The following HMCN2 variants were observed in gnomAD, a reference collection of about 807,000 sequenced individuals.
HMCN2 encodes hemicentin-2.
HMCN2 carries 325 observed loss-of-function variants against 377.5 expected under a neutral mutation model. The ratio of observed to expected loss-of-function variants is 0.86; its 90% CI spans 0.79 to 0.94. The LOEUF (loss-of-function observed/expected upper bound fraction) is 0.94, where lower values mean the gene tolerates loss of function less well. Ranked by LOEUF, HMCN2 falls within the 40% of genes least tolerant of loss-of-function variation. The pLI is 0.00. For synonymous variants in HMCN2, 2,007 were observed against 2,046.8 expected, an observed-to-expected ratio of 0.98 and a Z score of 0.53; for missense variants, 4,543 against 4,725.3, an observed-to-expected ratio of 0.96 and a Z score of 1.13.
Position 130,427,298 on chromosome 9 carries a change from C to T in HMCN2, c.13880-15C>T. On this transcript the variant is annotated splice_polypyrimidine_tract_variant and intron_variant, in intron 90 of 97. Transcript: ENST00000683500. ...CACCCTCATGTCCTTAGAGTCTATC[C>T]TCTTTGCTTTGCAGAGGAGAACGAG... The T allele has an allele frequency of 3.9e-6, 6 of 1,550,498 alleles. No individual in the cohort carries two copies. The highest frequency in any genetic ancestry group is 5.2e-6 in the Non-Finnish European group (6 of 1,146,974).
At position 130,365,948 on chromosome 9, in the gene HMCN2, G is replaced by A; in HGVS notation, c.6578G>A (p.Cys2193Tyr). Residue 2193 changes from cysteine to tyrosine, a missense_variant, in exon 43 of 98, where the codon TGC (cysteine) becomes TAC (tyrosine). This residue lies in a region of HMCN2 where 1,032 missense variants were observed against 1,285.1 expected (regional missense o/e 0.80). Transcript: ENST00000683500. Reference protein sequence around the residue: ...VREGHPTRLSCECRGVPFPKI... With the variant: ...VREGHPTRLSYECRGVPFPKI... ...GAGGGGCACCCTACCAGGCTGTCCTGCGAATGCCGGGGTGTCCCCTTCCCC... is the reference window on the plus strand; with the variant it reads ...GAGGGGCACCCTACCAGGCTGTCCTACGAATGCCGGGGTGTCCCCTTCCCC... 3 of 985,870 alleles carry A rather than the reference G, an allele frequency of 3.0e-6. No homozygotes were observed. The highest frequency in any genetic ancestry group is 3.6e-6 in the Non-Finnish European group (3 of 829,922). 61.1% of individuals were successfully genotyped at this position (985,870 alleles called of 1,614,324 possible). A position where few individuals can be genotyped will look rare whatever the true frequency, so the allele number is the denominator to read the frequency against.
chr9:130,363,103 A>C, intron 40 of HMCN2, 113 bp downstream of exon 40: 2 of 863,018 alleles, frequency 2.3e-6, no homozygotes, highest in Non-Finnish European at 2.8e-6. Flanking sequence ...AGGAGTGTCC[A>C]CCTGAGAACA....
chr9:130,368,205 CT>C, intron 43 of HMCN2, 70 bp from the exon 44 acceptor site: 1 of 941,524 alleles, frequency 1.1e-6, no homozygotes, highest in Non-Finnish European at 1.3e-6. Flanking sequence ...GGAGGACAAA[CT>C]TTCCATGTGG....
chr9:130,425,259 C>A (rs555168054), intron 89 of HMCN2, 129 bp downstream of exon 89: 1 of 1,106,882 alleles, frequency 9.0e-7, no homozygotes, highest in African/African-American at 1.6e-5. Flanking sequence ...GGGTCACAGT[C>A]TAGCCTTGGA....
In HMCN2 at chr9:130,433,641, G is replaced by C. The variant is rs1844910615; in HGVS notation, c.15188G>C (p.Arg5063Pro). ...CTCACCGTGCGTGCTGCGGCACCGC[G>C]CCACCAAAGCGTCTTCGTCTTGCTC... is the stretch of plus-strand genomic sequence containing the variant. Reference protein sequence around the residue: ...YRLTVRAAAPRHQSVFVLLIA... With the variant: ...YRLTVRAAAPPHQSVFVLLIA... Residue 5063 changes from arginine to proline, a missense_variant, in exon 98 of 98, where the codon CGC (arginine) becomes CCC (proline). By Grantham distance (103) the Arg-to-Pro change is moderately radical. Transcript: ENST00000683500. 7.2e-6 allele frequency: 11 copies of C among 1,518,034 alleles called. No individual in the cohort carries two copies. Among genetic ancestry groups the C allele is most frequent in the Non-Finnish European group, 8.8e-6 (10 of 1,134,216 alleles). 94.0% of individuals were successfully genotyped at this position (1,518,034 alleles called of 1,614,324 possible). A position where few individuals can be genotyped will look rare whatever the true frequency, so the allele number is the denominator to read the frequency against.
intron 31 of HMCN2, among the ~76,000 whole-genome samples, chr9:130,354,162 G>A (rs983580256): frequency 9.2e-5 from 14 of 152,192 alleles, no homozygotes; most frequent in African/African-American, 3.4e-4. Flanking sequence ...CCCAGGCCAC[G>A]GTTGCCCCTT....
chr9:130,379,170 G>A (rs1841562614), intron 53 of HMCN2, 79 bp from the exon 54 acceptor site: 1 of 401,110 alleles, frequency 2.5e-6, no homozygotes, highest in Admixed American at 6.4e-5. Context: ...GGAGAGGCTG[G>A]GACGAGAATC....
chr9:130,304,062 G>A lies in HMCN2; in HGVS notation c.1543+454G>A, dbSNP rs907051560. Among the ~76,000 whole-genome samples the A allele has an allele frequency of 2.0e-5, 3 of 152,338 alleles. No individual in the cohort carries two copies. Among genetic ancestry groups the A allele is most frequent in the Non-Finnish European group, 2.9e-5 (2 of 68,032 alleles). ...GCTTTGTAGAGAAAAAAAGGAACCC[G>A]TAAGCGTGGAAAGATCAGCCACTCT... On this transcript the variant is annotated intron_variant, in intron 10 of 97. Coordinates refer to ENST00000683500, the MANE Select transcript of HMCN2 (RefSeq NM_001291815.2). The surrounding 1 kb of genome is among the most constrained non-coding windows in gnomAD (Gnocchi z 4.3).
At position 130,390,896 on chromosome 9, in the gene HMCN2, G is replaced by A. The variant is rs1199874668; in HGVS notation, c.9524-81G>A. 5.4e-6 allele frequency: 5 copies of A among 927,124 alleles called. No homozygotes were observed. In the African/African-American group the frequency reaches 7.1e-5, roughly 13 times the overall value. 57.4% of individuals were successfully genotyped at this position (927,124 alleles called of 1,614,324 possible). On this transcript the variant is annotated intron_variant, in intron 62 of 97. Transcript: ENST00000683500. ...GGGGAAGGTGGGGACATATAAGAAG[G>A]CGCCTCTGCCTCTGTGGGGCTCAGT...
rs1423030215 is a variant in HMCN2, at chr9:130,384,376, C to T, written c.8834C>T (p.Pro2945Leu). 7 of 1,296,850 alleles carry T rather than the reference C, an allele frequency of 5.4e-6. No individual in the cohort carries two copies. The highest frequency in any genetic ancestry group is 6.1e-6 in the Non-Finnish European group (6 of 984,720). 80.3% of individuals were successfully genotyped at this position (1,296,850 alleles called of 1,614,324 possible). A position where few individuals can be genotyped will look rare whatever the true frequency, so the allele number is the denominator to read the frequency against. Residue 2945 changes from proline (P) to leucine (L), a missense_variant, in exon 58 of 98, where the codon CCG becomes CTG. Transcript: ENST00000683500. ...ACCGTGGTGGCTGTGGGGATAGTCC[C>T]GCCACGAATCGCAGGCCTGGACTTG... ...EKLFTLRVQVPPRIAGLDLEQ... is the reference protein window; with the variant it reads ...EKLFTLRVQVLPRIAGLDLEQ...
chr9:130,326,218 T>C (rs1325951408), intron 21 of HMCN2, among the ~76,000 whole-genome samples: 2 of 152,096 alleles, frequency 1.3e-5, no homozygotes, highest in African/African-American at 2.4e-5. Flanking sequence ...GCACATGTAG[T>C]TCCTTCTGCT....
intron 84 of HMCN2, among the ~76,000 whole-genome samples, chr9:130,409,613 A>G (rs1843306348): frequency 6.6e-6 from 1 of 152,220 alleles, no homozygotes; most frequent in Non-Finnish European, 1.5e-5. Flanking sequence ...CTGTTACCCA[A>G]GTACTAACTG....
chr9:130,425,611 TCC>T, intron 89 of HMCN2, 74 bp from the exon 90 acceptor site: 1 of 1,039,188 alleles, frequency 9.6e-7, no homozygotes, highest in Non-Finnish European at 1.4e-6. Context: ...AGCATTTTCC[TCC>T]TCCCCTTCCA....
In HMCN2 at chr9:130,427,321, G is replaced by C; in HGVS notation, c.13888G>C (p.Glu4630Gln). ...TCCTCTTTGCTTTGCAGAGGAGAAC[G>C]AGGTCGGCTGCCCCGAGGGCTTTGA... is the stretch of plus-strand genomic sequence containing the variant. ...LATALQAEEN[E>Q]VGCPEGFELD... is the part of the protein sequence containing the mutation. The change falls in exon 91 of 98, where the codon GAG (glutamate) becomes CAG (glutamine). Residue 4630 changes from glutamate (E) to glutamine (Q), a missense_variant. This residue lies in a region of HMCN2 where 1,155 missense variants were observed against 1,157.7 expected (regional missense o/e 1.00). Coordinates refer to ENST00000683500, the MANE Select transcript of HMCN2 (RefSeq NM_001291815.2). 1 of 1,550,552 alleles carries C rather than the reference G, an allele frequency of 6.4e-7. No homozygotes were observed. Among genetic ancestry groups the C allele is most frequent in the Non-Finnish European group, 8.7e-7 (1 of 1,146,992 alleles).
At position 130,431,444 on chromosome 9, in the gene HMCN2, CCCG is replaced by C. The variant is rs1367580854; in HGVS notation, c.14729_14731del (p.Ala4910del). 6.5e-7 allele frequency: 1 copy of C among 1,550,054 alleles called. No individual in the cohort carries two copies. Among genetic ancestry groups the C allele is most frequent in the Non-Finnish European group, 8.7e-7 (1 of 1,146,854 alleles). ...TGAGGGCAGCTACCAGTGCCTGTGC[CCCG>C]CCGGCTACCGTCTGCTCCCCAGCGG... On this transcript the variant is annotated inframe_deletion, in exon 96 of 98. Transcript: ENST00000683500.
At chr9:130,407,373 A>G (rs778367913) in intron 82 of HMCN2, 198 bp from the exon 83 acceptor site, 1 of 351,274 alleles carries the variant, frequency 2.8e-6, no homozygotes, top group Non-Finnish European at 5.3e-6. Flanking sequence ...GTGCACTGGA[A>G]GATGGTAGAA....
In HMCN2 at chr9:130,422,654, A is replaced by T; in HGVS notation, c.13309A>T (p.Ser4437Cys). ...ATTTGGCGTGGCCACACTCAACACCAGCGTGATGCAGGAGGCACACTCCGG... is the reference window on the plus strand; with the variant it reads ...ATTTGGCGTGGCCACACTCAACACCTGCGTGATGCAGGAGGCACACTCCGG... ...RKFGVATLNT[S>C]VMQEAHSGVS... The change falls in exon 87 of 98, where the codon AGC (serine) becomes TGC (cysteine). Residue 4437 changes from serine (S) to cysteine (C), a missense_variant. By Grantham distance (112) the Ser-to-Cys change is moderately radical (BLOSUM62 -1). Around this residue, in one of 5 missense-constraint regions of HMCN2, gnomAD observed 1,155 missense variants for 1,157.7 expected, o/e 1.00. Coordinates refer to ENST00000683500, the MANE Select transcript of HMCN2 (RefSeq NM_001291815.2). The surrounding 1 kb of genome is among the most constrained non-coding windows in gnomAD (Gnocchi z 4.2). 1 of 1,325,166 alleles carries T rather than the reference A, an allele frequency of 7.5e-7. No homozygotes were observed. The highest frequency in any genetic ancestry group is 9.7e-7 in the Non-Finnish European group (1 of 1,030,386). The allele number at this position is 1,325,166 out of a possible 1,614,324, so 82.1% of individuals were successfully genotyped here.
At chr9:130,426,141 C>T (rs1278805439) in intron 90 of HMCN2, among the ~76,000 whole-genome samples, 2 of 152,144 alleles carry the variant, frequency 1.3e-5, no homozygotes, top group African/African-American at 2.4e-5. Flanking sequence ...CTCTCTAAGC[C>T]ACCCTTGTTC....
intron 73 of HMCN2, among the ~76,000 whole-genome samples, chr9:130,396,925 T>C (rs1408616664): frequency 6.6e-6 from 1 of 152,222 alleles, no homozygotes; most frequent in Non-Finnish European, 1.5e-5. Context: ...AGGAGGGTGC[T>C]GGAGATGCCC....
Sources: allele counts gnomAD v4.1 joint callset (sites outside exome capture counted in the v4.1 genomes callset), GRCh38; gene constraint gnomAD v4.1.1; regional missense constraint gnomAD v4.1.1; non-coding constraint Gnocchi (gnomAD v3.1); transcripts MANE v1.5; gene names NCBI Gene and HGNC (gene_info 2026-07-23, HGNC 2026-07-21).